ANKRD31: variants seen among roughly 807,000 people sequenced by gnomAD.
The protein encoded by ANKRD31 is ankyrin repeat domain-containing protein 31.
In ANKRD31, 147 loss-of-function variants were observed where a neutral mutation model predicts 186.0. The observed-to-expected ratio is 0.79, with a 90% CI of 0.69 to 0.91. The LOEUF is 0.91. Among genes scored for constraint, ANKRD31 ranks in the 40% least tolerant of loss-of-function variants. The probability of loss-of-function intolerance (pLI) is 0.00; values close to 1 mark genes in which losing one functional copy is unlikely to be tolerated. For synonymous variants in ANKRD31, 673 were observed against 736.4 expected (o/e 0.91, Z 1.39); for missense variants, 1,986 against 2,148.8 (o/e 0.92, Z 1.50).
chr5:75,169,506 T>C (rs1330138113), intron 10 of ANKRD31, among the ~76,000 whole-genome samples: 2 of 152,180 alleles, frequency 1.3e-5, no homozygotes, highest in Non-Finnish European at 2.9e-5. Context: ...TCCATTAAAG[T>C]ATCCAGCTGG....
At chr5:75,175,646 A>AAC (rs10532266) in intron 10 of ANKRD31, among the ~76,000 whole-genome samples, 21,574 of 147,530 alleles carry the variant, frequency 0.15, 1,538 homozygotes, top group Middle Eastern at 0.26. Context: ...TACCTCAGAA[A>AAC]ACACACACAC....
intron 10 of ANKRD31, among the ~76,000 whole-genome samples, chr5:75,188,002 C>T (rs947456210): frequency 1.3e-5 from 2 of 152,100 alleles, no homozygotes; most frequent in Non-Finnish European, 2.9e-5. Flanking sequence ...AGTGACCCAG[C>T]CTTGCAGAAA....
chr5:75,145,306 C>G (rs1198888587), intron 14 of ANKRD31, among the ~76,000 whole-genome samples: 1 of 152,062 alleles, frequency 6.6e-6, no homozygotes, highest in African/African-American at 2.4e-5. Context: ...TATTGTGGCA[C>G]TGTTCACAAT....
At chr5:75,129,934 A>C (rs1348795827) in intron 17 of ANKRD31, among the ~76,000 whole-genome samples, 1 of 152,184 alleles carries the variant, frequency 6.6e-6, no homozygotes, top group Admixed American at 6.5e-5. Context: ...TCCTACCCTA[A>C]TACTGAGCTT....
At chr5:75,223,414 A>T (rs1304735323) in intron 2 of ANKRD31, among the ~76,000 whole-genome samples, 1 of 152,226 alleles carries the variant, frequency 6.6e-6, no homozygotes, top group South Asian at 2.1e-4. Flanking sequence ...ATTCCTTTTT[A>T]AATTCATTTT....
chr5:75,091,060 A>C (rs902109295), intron 23 of ANKRD31, among the ~76,000 whole-genome samples: 1 of 152,176 alleles, frequency 6.6e-6, no homozygotes, highest in Non-Finnish European at 1.5e-5. Context: ...ATTCTGGCAA[A>C]TAGGACTTGT....
In ANKRD31 at chr5:75,193,685, T is replaced by C. The variant is rs563335656; in HGVS notation, c.1018-94A>G. The C allele has an allele frequency of 8.5e-5, 97 of 1,146,772 alleles. No individual in the cohort carries two copies. The South Asian group carries it at 1.5e-3, about 18-fold the overall frequency. The allele number at this position is 1,146,772 out of a possible 1,614,324, so 71.0% of individuals were successfully genotyped here. A position where few individuals can be genotyped will look rare whatever the true frequency, so the allele number is the denominator to read the frequency against. ...AATTTTGTCTTGACCTTTGCTTAAA[T>C]TAAAATGCCTATTATAGGATCCAAG... On this transcript the variant is annotated intron_variant, in intron 7 of 25. Coordinates refer to ENST00000506364, the MANE Select transcript of ANKRD31 (RefSeq NM_001372053.1).
intron 2 of ANKRD31, among the ~76,000 whole-genome samples, chr5:75,227,727 G>A (rs1184661253): frequency 6.6e-6 from 1 of 151,756 alleles, no homozygotes; most frequent in Non-Finnish European, 1.5e-5. Context: ...TACTGCAGAG[G>A]TCCCCAATCC....
chr5:75,220,879 C>T (rs1407787087), intron 3 of ANKRD31, among the ~76,000 whole-genome samples: 1 of 152,054 alleles, frequency 6.6e-6, no homozygotes, highest in Non-Finnish European at 1.5e-5. Context: ...GTGGGCAGAT[C>T]CCTTGCAGTC....
At chr5:75,070,926 C>G (rs1744178213) in intron 25 of ANKRD31, among the ~76,000 whole-genome samples, 1 of 152,120 alleles carries the variant, frequency 6.6e-6, no homozygotes, top group East Asian at 1.9e-4. Context: ...GATCTTGTCC[C>G]TATAAAACAA....
At chr5:75,096,357 T>G (rs1198219278) in intron 22 of ANKRD31, among the ~76,000 whole-genome samples, 1 of 152,156 alleles carries the variant, frequency 6.6e-6, no homozygotes, top group Non-Finnish European at 1.5e-5. Flanking sequence ...TTTAATGGGA[T>G]CATTTGTTTT....
chr5:75,148,207 T>C (rs115494519), intron 13 of ANKRD31, among the ~76,000 whole-genome samples: 124 of 151,962 alleles, frequency 8.2e-4, no homozygotes, highest in African/African-American at 2.8e-3. Flanking sequence ...CTTCCTCTCA[T>C]TCACACAACT....
chr5:75,177,067 C>T (rs1439129342), intron 10 of ANKRD31, among the ~76,000 whole-genome samples: 2 of 152,036 alleles, frequency 1.3e-5, no homozygotes, highest in East Asian at 1.9e-4. Flanking sequence ...AACCACGGCA[C>T]GAGAACTACG....
At chr5:75,192,069 TTTAC>T (rs1305529926) in intron 9 of ANKRD31, among the ~76,000 whole-genome samples, 2 of 152,118 alleles carry the variant, frequency 1.3e-5, no homozygotes, top group African/African-American at 2.4e-5. Context: ...ATCATGCCCT[TTTAC>T]TTACTAATAC....
At chr5:75,077,864 G>A (rs1360742124) in intron 25 of ANKRD31, among the ~76,000 whole-genome samples, 14 of 150,906 alleles carry the variant, frequency 9.3e-5, no homozygotes, top group African/African-American at 2.4e-4. Flanking sequence ...GGCGGGAGGC[G>A]GAGGTTGCAG....
chr5:75,219,938 T>C (rs538814453), intron 3 of ANKRD31, among the ~76,000 whole-genome samples: 2 of 152,316 alleles, frequency 1.3e-5, no homozygotes, highest in African/African-American at 2.4e-5. Flanking sequence ...GCTAGCTATA[T>C]ACAGAAGGTT....
chr5:75,190,172 A>G (rs1755006529), intron 9 of ANKRD31, among the ~76,000 whole-genome samples: 1 of 151,906 alleles, frequency 6.6e-6, no homozygotes. Flanking sequence ...GGCACATACC[A>G]CCATGCCCAG....
intron 10 of ANKRD31, 120 bp from the exon 11 acceptor site, chr5:75,169,241 A>G (rs1753145480): frequency 8.5e-7 from 1 of 1,176,062 alleles, no homozygotes; most frequent in African/African-American, 1.5e-5. Flanking sequence ...TGATTATATG[A>G]GTCAAGATAG....
chr5:75,199,095 C>T (rs1755651068), intron 6 of ANKRD31, among the ~76,000 whole-genome samples: 1 of 152,106 alleles, frequency 6.6e-6, no homozygotes. Context: ...ACAGTCCTAG[C>T]TACTGGGGAA....
Sources: gnomAD v4.1 joint callset for allele counts (sites outside exome capture counted in the v4.1 genomes callset) on GRCh38, gnomAD v4.1.1 for gene constraint, MANE v1.5 for transcripts, NCBI Gene and HGNC (gene_info 2026-07-23, HGNC 2026-07-21) for gene names.